The following HNF4G variants were observed in gnomAD, a reference collection of about 807,000 sequenced individuals.
The protein encoded by HNF4G is hepatocyte nuclear factor 4 gamma.
HNF4G carries 21 observed loss-of-function variants against 50.9 expected under a neutral mutation model. The ratio of observed to expected loss-of-function variants is 0.41; its 90% CI spans 0.29 to 0.59. The LOEUF is 0.59. Ranked by LOEUF, HNF4G falls within the 20% of genes least tolerant of loss-of-function variation. The pLI, the probability that HNF4G is intolerant of heterozygous loss-of-function variation, is 0.26. For missense variants in HNF4G, 527 were observed against 559.4 expected, an observed-to-expected ratio of 0.94 and a Z score of 0.58; for synonymous variants, 198 against 185.6, an observed-to-expected ratio of 1.07 and a Z score of -0.54.
intron 2 of HNF4G, among the ~76,000 whole-genome samples, chr8:75,520,600 G>A (rs954545305): frequency 1.3e-5 from 2 of 151,710 alleles, no homozygotes; most frequent in African/African-American, 4.8e-5. Context: ...ACCATGCCTG[G>A]CTAATTTTTA....
intron 1 of HNF4G, among the ~76,000 whole-genome samples, chr8:75,413,017 TGAG>T (rs1810537356): frequency 6.6e-6 from 1 of 151,910 alleles, no homozygotes; most frequent in Admixed American, 6.6e-5. Context: ...TGACTTCTGA[TGAG>T]AACTTGCTGA....
chr8:75,490,820 A>T (rs1235854993), intron 2 of HNF4G, among the ~76,000 whole-genome samples: 1 of 152,210 alleles, frequency 6.6e-6, no homozygotes, highest in Non-Finnish European at 1.5e-5. Context: ...GCGATTGTTC[A>T]CTTTTAGCTA....
At chr8:75,474,268 A>G (rs1812189007) in intron 1 of HNF4G, among the ~76,000 whole-genome samples, 1 of 152,238 alleles carries the variant, frequency 6.6e-6, no homozygotes, top group Non-Finnish European at 1.5e-5. Flanking sequence ...TTAATCAACA[A>G]TGTGGCATTA....
intron 1 of HNF4G, among the ~76,000 whole-genome samples, chr8:75,408,329 G>A (rs1375198742): frequency 6.6e-6 from 1 of 152,164 alleles, no homozygotes; most frequent in Admixed American, 6.5e-5. Flanking sequence ...AGCGGGTCAT[G>A]TGATTCCCAG....
chr8:75,523,043 G>A (rs936810072), intron 2 of HNF4G, among the ~76,000 whole-genome samples: 2 of 151,948 alleles, frequency 1.3e-5, no homozygotes, highest in African/African-American at 4.8e-5. Flanking sequence ...TAGCCAAATT[G>A]GTGAATCCCA....
intron 1 of HNF4G, among the ~76,000 whole-genome samples, chr8:75,431,516 C>T (rs79273450): frequency 0.018 from 2,799 of 152,026 alleles, 59 homozygotes; most frequent in African/African-American, 0.043. Flanking sequence ...TATCAGTGAT[C>T]GCAATAAATA....
chr8:75,519,546 G>T (rs1434586251), intron 2 of HNF4G, among the ~76,000 whole-genome samples: 1 of 152,182 alleles, frequency 6.6e-6, no homozygotes, highest in East Asian at 1.9e-4. Context: ...CGTGGCTGAG[G>T]AGGCCTCACA....
intron 1 of HNF4G, among the ~76,000 whole-genome samples, chr8:75,483,889 A>G (rs950498394): frequency 6.6e-6 from 1 of 152,210 alleles, no homozygotes; most frequent in Non-Finnish European, 1.5e-5. Context: ...GATCAATAAT[A>G]AACAGCACTG....
In HNF4G at chr8:75,547,628, A is replaced by G. The variant is rs780235958; in HGVS notation, c.329A>G (p.Gln110Arg). The change falls in exon 3 of 10, where the codon CAA (glutamine) becomes CGA (arginine). Residue 110 changes from glutamine to arginine, a missense_variant. By Grantham distance (43) the Gln-to-Arg change is conservative. Transcript: ENST00000396423. ...GTTGTTGACAAGGACAAAAGGAATC[A>G]ATGTAGATATTGTCGATTAAGAAAG... is the stretch of plus-strand genomic sequence containing the variant. Reference protein sequence around the residue: ...QCVVDKDKRNQCRYCRLRKCF... With the variant: ...QCVVDKDKRNRCRYCRLRKCF... 1 of 1,612,378 alleles carries G rather than the reference A, an allele frequency of 6.2e-7. No homozygotes were observed. The highest frequency in any genetic ancestry group is 8.5e-7 in the Non-Finnish European group (1 of 1,178,560).
intron 2 of HNF4G, among the ~76,000 whole-genome samples, chr8:75,546,291 T>C (rs1806775761): frequency 6.6e-6 from 1 of 152,146 alleles, no homozygotes; most frequent in Non-Finnish European, 1.5e-5. Flanking sequence ...TGTAAATTAA[T>C]GTTACTTAAC....
intron 1 of HNF4G, among the ~76,000 whole-genome samples, chr8:75,448,200 G>T (rs971938218): frequency 2.2e-5 from 3 of 137,474 alleles, no homozygotes; most frequent in Non-Finnish European, 4.6e-5. Context: ...ACCAAACACC[G>T]TATATTCTCA....
chr8:75,415,488 T>C (rs1164988448), intron 1 of HNF4G, among the ~76,000 whole-genome samples: 1 of 152,158 alleles, frequency 6.6e-6, no homozygotes, highest in Non-Finnish European at 1.5e-5. Flanking sequence ...TTTTCAAAAA[T>C]AAAGAGTAGC....
chr8:75,468,688 C>T (rs989316577), intron 1 of HNF4G, among the ~76,000 whole-genome samples: 1 of 149,758 alleles, frequency 6.7e-6, no homozygotes, highest in Non-Finnish European at 1.5e-5. Context: ...AGCGAGACTC[C>T]ATCTCAAAAA....
intron 6 of HNF4G, among the ~76,000 whole-genome samples, chr8:75,558,049 C>A (rs889453687): frequency 6.6e-6 from 1 of 151,726 alleles, no homozygotes; most frequent in African/African-American, 2.4e-5. Flanking sequence ...AAAAAAAAAT[C>A]AACCTCCTTT....
At chr8:75,444,017 G>A (rs1422294885) in intron 1 of HNF4G, among the ~76,000 whole-genome samples, 1 of 152,084 alleles carries the variant, frequency 6.6e-6, no homozygotes, top group Non-Finnish European at 1.5e-5. Flanking sequence ...AAAACCTAGG[G>A]CAGCCAGAGA....
chr8:75,430,368 A>G (rs1810982093), intron 1 of HNF4G, among the ~76,000 whole-genome samples: 1 of 152,120 alleles, frequency 6.6e-6, no homozygotes, highest in African/African-American at 2.4e-5. Context: ...TTGGGCTGGC[A>G]AAAGTTGGCA....
chr8:75,462,351 T>C (rs1811874897), intron 1 of HNF4G, among the ~76,000 whole-genome samples: 1 of 152,184 alleles, frequency 6.6e-6, no homozygotes, highest in East Asian at 1.9e-4. Context: ...TTGTGTTACT[T>C]GAACTGTGAC....
At chr8:75,450,141 C>T (rs538683501) in intron 1 of HNF4G, among the ~76,000 whole-genome samples, 132 of 152,266 alleles carry the variant, frequency 8.7e-4, no homozygotes, top group Non-Finnish European at 1.5e-3. Flanking sequence ...TTTCACTTAA[C>T]ACAATGTCCT....
chr8:75,533,575 A>G (rs1246474582), intron 2 of HNF4G, among the ~76,000 whole-genome samples: 1 of 151,940 alleles, frequency 6.6e-6, no homozygotes, highest in African/African-American at 2.4e-5. Flanking sequence ...TCATATGTTT[A>G]CTATTAATAT....
Sources: gnomAD v4.1 joint callset for allele counts (sites outside exome capture counted in the v4.1 genomes callset) on GRCh38, gnomAD v4.1.1 for gene constraint, MANE v1.5 for transcripts, NCBI Gene and HGNC (gene_info 2026-07-23, HGNC 2026-07-21) for gene names.